Variants in TDRP observed in about 807,000 individuals in gnomAD.
The protein encoded by TDRP is testis development related protein.
A neutral mutation model predicts 10.5 loss-of-function variants in TDRP; 12 were observed. That is an observed-to-expected ratio of 1.15 (90% CI 0.73 to 1.86). The LOEUF (loss-of-function observed/expected upper bound fraction) is 1.86. TDRP is among the 40% of genes most tolerant of loss of function. The probability of loss-of-function intolerance (pLI) is 0.00; values close to 1 mark genes in which losing one functional copy is unlikely to be tolerated. For synonymous variants in TDRP, 139 were observed against 95.4 expected (o/e 1.46, Z -2.67); for missense variants, 353 against 229.2 (o/e 1.54, Z -3.49).
intron 1 of TDRP, among the ~76,000 whole-genome samples, chr8:499,481 G>C (rs1801227068): frequency 6.6e-6 from 1 of 152,084 alleles, no homozygotes; most frequent in Non-Finnish European, 1.5e-5. Flanking sequence ...CCTGGAGCTG[G>C]GACTCCATCC....
At chr8:532,380 T>C (rs1802227630) in intron 1 of TDRP, among the ~76,000 whole-genome samples, 1 of 152,176 alleles carries the variant, frequency 6.6e-6, no homozygotes, top group African/African-American at 2.4e-5. Flanking sequence ...GCCCCCAGGC[T>C]CCCTAGCAAG....
chr8:516,247 G>A (rs1437121790), intron 1 of TDRP, among the ~76,000 whole-genome samples: 1 of 152,128 alleles, frequency 6.6e-6, no homozygotes, highest in Non-Finnish European at 1.5e-5. Flanking sequence ...TCCCCCAAGT[G>A]AGCTACTATC....
In TDRP at chr8:531,266, AT is replaced by A. The variant is rs201812636; in HGVS notation, c.108+13383del. On this transcript the variant is annotated intron_variant, in intron 1 of 2. Transcript: ENST00000324079. The stretch of plus-strand genomic sequence containing the variant: ...AAACTGGTTTCTGTAATTCTCATAC[AT>A]CCTTTTGGACTGTATATTGTTGTCA... 5.9e-3 allele frequency among the ~76,000 whole-genome samples: 892 copies of A among 152,140 alleles called. 9 individuals carry two copies. Among genetic ancestry groups the A allele is most frequent in the African/African-American group, 0.02 (830 of 41,502 alleles).
Position 543,204 on chromosome 8 carries a change from A to G in TDRP, c.108+1446T>C, listed in dbSNP as rs138135987. On this transcript the variant is annotated intron_variant, in intron 1 of 2. Transcript: ENST00000324079. ...GTGCGCACTTGTAGTCCCAGCTACT[A>G]CAGAGGCTGAGAGAGGAGAATAGCT... 4.8e-4 allele frequency among the ~76,000 whole-genome samples: 73 copies of G among 152,224 alleles called. 2 individuals are homozygous for G. In the East Asian group the frequency reaches 0.014, roughly 28 times the overall value.
chr8:507,614 C>A (rs116545976), intron 1 of TDRP, among the ~76,000 whole-genome samples: 3,885 of 152,256 alleles, frequency 0.026, 157 homozygotes, highest in African/African-American at 0.089. Flanking sequence ...CAGTGCCGTG[C>A]CCCACCAGAA....
intron 1 of TDRP, among the ~76,000 whole-genome samples, chr8:519,571 C>T (rs1221983321): frequency 3.9e-5 from 6 of 152,014 alleles, no homozygotes; most frequent in African/African-American, 1.2e-4. Flanking sequence ...CTGAAAAACC[C>T]CCCTCTCCCC....
intron 1 of TDRP, among the ~76,000 whole-genome samples, chr8:522,366 G>C (rs1201424406): frequency 2.6e-5 from 4 of 152,180 alleles, no homozygotes; most frequent in Admixed American, 2.6e-4. Flanking sequence ...CCTTGAGGAA[G>C]AGAAAGGGCT....
chr8:512,062 G>C (rs1340421419), intron 1 of TDRP, among the ~76,000 whole-genome samples: 1 of 151,872 alleles, frequency 6.6e-6, no homozygotes, highest in Non-Finnish European at 1.5e-5. Flanking sequence ...AAAGATTAAA[G>C]CACAAATTAA....
intron 1 of TDRP, among the ~76,000 whole-genome samples, chr8:515,995 C>T (rs1159709156): frequency 6.6e-6 from 1 of 151,640 alleles, no homozygotes; most frequent in African/African-American, 2.4e-5. Context: ...GTTAAAATGT[C>T]CAAAAGAACA....
intron 1 of TDRP, among the ~76,000 whole-genome samples, chr8:537,569 C>T (rs1245118904): frequency 6.6e-6 from 1 of 152,202 alleles, no homozygotes; most frequent in African/African-American, 2.4e-5. Context: ...AGGGGCAGGA[C>T]AGCCTGGTTT....
intron 1 of TDRP, among the ~76,000 whole-genome samples, chr8:513,824 G>A (rs372610536): frequency 6.6e-6 from 1 of 152,128 alleles, no homozygotes; most frequent in Non-Finnish European, 1.5e-5. Context: ...ATGAATACAC[G>A]AAAATCAATT....
At chr8:543,262 G>C (rs2034354) in intron 1 of TDRP, among the ~76,000 whole-genome samples, 2 of 152,074 alleles carry the variant, frequency 1.3e-5, no homozygotes, top group South Asian at 2.1e-4. Flanking sequence ...GTAGTGAGCC[G>C]AGATTGCGCC....
chr8:511,198 T>A (rs1265466489), intron 1 of TDRP, among the ~76,000 whole-genome samples: 1 of 152,148 alleles, frequency 6.6e-6, no homozygotes, highest in Non-Finnish European at 1.5e-5. Flanking sequence ...TCACACTGGA[T>A]TTTTAAAATA....
At chr8:537,824 A>G (rs1217356113) in intron 1 of TDRP, among the ~76,000 whole-genome samples, 11 of 152,208 alleles carry the variant, frequency 7.2e-5, no homozygotes, top group Admixed American at 7.2e-4. Flanking sequence ...GGATAAATTT[A>G]GCAATTTTAT....
At chr8:496,095 G>C (rs1489761510) in intron 1 of TDRP, among the ~76,000 whole-genome samples, 2 of 152,170 alleles carry the variant, frequency 1.3e-5, no homozygotes, top group Non-Finnish European at 2.9e-5. Flanking sequence ...TCAGGTATCA[G>C]CTTTCCACAT....
intron 1 of TDRP, among the ~76,000 whole-genome samples, chr8:535,534 G>A (rs113601030): frequency 5.9e-5 from 9 of 152,144 alleles, no homozygotes; most frequent in African/African-American, 2.2e-4. Flanking sequence ...GAAATAACAG[G>A]TAAAATCCTC....
intron 1 of TDRP, among the ~76,000 whole-genome samples, chr8:505,979 C>G (rs1263837645): frequency 1.3e-5 from 2 of 152,128 alleles, no homozygotes; most frequent in African/African-American, 4.8e-5. Flanking sequence ...TGGGAGCTAT[C>G]TGGAAATGTG....
intron 1 of TDRP, among the ~76,000 whole-genome samples, chr8:521,155 C>T (rs1303215316): frequency 6.7e-6 from 1 of 149,534 alleles, no homozygotes; most frequent in African/African-American, 2.5e-5. Context: ...GTAATCCCAG[C>T]ACTTTGGGAG....
intron 1 of TDRP, among the ~76,000 whole-genome samples, chr8:518,780 G>A (rs901670811): frequency 6.6e-6 from 1 of 151,384 alleles, no homozygotes; most frequent in African/African-American, 2.4e-5. Context: ...TAGCTTAAAA[G>A]GTCATTTACA....
Sources: gnomAD v4.1 joint callset for allele counts (sites outside exome capture counted in the v4.1 genomes callset) on GRCh38, gnomAD v4.1.1 for gene constraint, MANE v1.5 for transcripts, NCBI Gene and HGNC (gene_info 2026-07-23, HGNC 2026-07-21) for gene names.